PEX7: variants seen among roughly 807,000 people sequenced by gnomAD.
PEX7 encodes the protein PTS2 receptor.
Under a neutral mutation model 47.5 loss-of-function variants are expected in PEX7, and 34 were observed. That is an observed-to-expected ratio of 0.72 (90% CI 0.54 to 0.95). The LOEUF is 0.95. Ranked by LOEUF, PEX7 falls within the 40% of genes least tolerant of loss-of-function variation. The probability of loss-of-function intolerance (pLI) is 0.00; values close to 1 mark genes in which losing one functional copy is unlikely to be tolerated. For synonymous variants in PEX7, 141 were observed against 148.8 expected, an observed-to-expected ratio of 0.95 and a Z score of 0.38; for missense variants, 394 against 400.3, an observed-to-expected ratio of 0.98 and a Z score of 0.13.
intron 5 of PEX7, among the ~76,000 whole-genome samples, chr6:136,861,328 C>A (rs994346006): frequency 6.6e-6 from 1 of 152,118 alleles, no homozygotes; most frequent in Non-Finnish European, 1.5e-5. Flanking sequence ...AACGACCTGC[C>A]TGCCTTGACC....
At chr6:136,844,573 T>TA (rs891238372) in intron 3 of PEX7, among the ~76,000 whole-genome samples, 3 of 152,188 alleles carry the variant, frequency 2.0e-5, no homozygotes, top group African/African-American at 7.2e-5. Context: ...TTATAATAGT[T>TA]ACCATGGTGT....
chr6:136,847,500 C>A (rs947951884), intron 5 of PEX7, among the ~76,000 whole-genome samples: 1 of 151,710 alleles, frequency 6.6e-6, no homozygotes, highest in Non-Finnish European at 1.5e-5. Context: ...AGTCTTTAAT[C>A]CATCTTGAAT....
intron 1 of PEX7, 96 bp from the exon 2 acceptor site, chr6:136,825,118 G>A: frequency 2.0e-6 from 2 of 987,314 alleles, no homozygotes; most frequent in Non-Finnish European, 3.3e-6. Flanking sequence ...AAAATTTGTG[G>A]TATTAAAATC....
At chr6:136,838,759 C>G (rs973786668) in intron 3 of PEX7, among the ~76,000 whole-genome samples, 1 of 152,066 alleles carries the variant, frequency 6.6e-6, no homozygotes, top group African/African-American at 2.4e-5. Context: ...AGTAATGGGA[C>G]AGAAGAAACA....
At chr6:136,886,151 A>G (rs1414352054) in intron 8 of PEX7, among the ~76,000 whole-genome samples, 1 of 152,216 alleles carries the variant, frequency 6.6e-6, no homozygotes, top group Non-Finnish European at 1.5e-5. Context: ...AAGCAGCCCC[A>G]TCTAGCCTTT....
At chr6:136,886,093 G>A (rs549787027) in intron 8 of PEX7, among the ~76,000 whole-genome samples, 6 of 152,192 alleles carry the variant, frequency 3.9e-5, no homozygotes, top group African/African-American at 9.7e-5. Context: ...CCATTTCAGC[G>A]CTCTAGTCTT....
At chr6:136,854,266 G>A (rs1184623566) in intron 5 of PEX7, among the ~76,000 whole-genome samples, 5 of 151,916 alleles carry the variant, frequency 3.3e-5, no homozygotes. Context: ...GTACAATCTC[G>A]GCTCACTGCA....
At chr6:136,888,614 C>G (rs2115257923) in intron 8 of PEX7, among the ~76,000 whole-genome samples, 1 of 152,190 alleles carries the variant, frequency 6.6e-6, no homozygotes, top group East Asian at 1.9e-4. Flanking sequence ...TGAATTTATT[C>G]TGTGTTAATA....
chr6:136,898,244 A>G lies in PEX7; in HGVS notation c.903+3A>G. 6.6e-7 allele frequency: 1 copy of G among 1,523,840 alleles called. No homozygotes were observed. The highest frequency in any genetic ancestry group is 9.1e-7 in the Non-Finnish European group (1 of 1,097,854). 94.4% of individuals were successfully genotyped at this position (1,523,840 alleles called of 1,614,324 possible). A position where few individuals can be genotyped will look rare whatever the true frequency, so the allele number is the denominator to read the frequency against. On this transcript the variant is annotated splice_donor_region_variant and intron_variant, in intron 9 of 9. Coordinates refer to ENST00000318471, the MANE Select transcript of PEX7 (RefSeq NM_000288.4). ...TCAGTCTTCAGAGCCCCACTCAGGT[A>G]ACGGATACAATCTCATGATATTCTC...
chr6:136,883,920 C>G (rs947724634), intron 8 of PEX7, among the ~76,000 whole-genome samples: 10 of 152,100 alleles, frequency 6.6e-5, no homozygotes, highest in African/African-American at 2.2e-4. Context: ...ATAGAAGCAA[C>G]ATCATTTTTT....
At chr6:136,835,369 A>G (rs1331115770) in intron 3 of PEX7, among the ~76,000 whole-genome samples, 2 of 151,934 alleles carry the variant, frequency 1.3e-5, no homozygotes, top group Non-Finnish European at 1.5e-5. Context: ...GCTCACTGCA[A>G]CTTCCACCTC....
Position 136,872,232 on chromosome 6 carries a change from G to A in PEX7, c.782G>A (p.Cys261Tyr), listed in dbSNP as rs770301248. The change falls in exon 8 of 10, where the codon TGC (cysteine) becomes TAC (tyrosine). Residue 261 changes from cysteine (C) to tyrosine (Y), a missense_variant. Cys to Tyr is a radical substitution (Grantham distance 194, BLOSUM62 -2). Coordinates refer to ENST00000318471, the MANE Select transcript of PEX7 (RefSeq NM_000288.4). ...SPFHASVLAS[C>Y]SYDFTVRFWN... ...TTTCATGCTTCTGTGCTGGCCTCTT[G>A]CTCGTATGATTTTACTGTAAGGTAC... 3 of 1,598,172 alleles carry A rather than the reference G, an allele frequency of 1.9e-6. No individual in the cohort carries two copies. Among genetic ancestry groups the A allele is most frequent in the Admixed American group, 3.4e-5 (2 of 58,770 alleles).
intron 9 of PEX7, among the ~76,000 whole-genome samples, chr6:136,904,169 A>G (rs780362719): frequency 6.6e-6 from 1 of 152,296 alleles, no homozygotes; most frequent in South Asian, 2.1e-4. Context: ...ATGTCAGGTG[A>G]TATTTTCTGC....
chr6:136,889,477 C>G (rs1775520460), intron 8 of PEX7, among the ~76,000 whole-genome samples: 2 of 152,128 alleles, frequency 1.3e-5, no homozygotes, highest in African/African-American at 4.8e-5. Context: ...CTAAAAGGAA[C>G]AAGGAATGTT....
chr6:136,858,354 A>G (rs2115196908), intron 5 of PEX7, among the ~76,000 whole-genome samples: 1 of 152,212 alleles, frequency 6.6e-6, no homozygotes, highest in East Asian at 1.9e-4. Flanking sequence ...TATGTGCTGT[A>G]ACAGTGGACA....
chr6:136,826,383 A>T lies in PEX7; in HGVS notation c.253A>T (p.Thr85Ser), dbSNP rs745706327. 2 of 1,613,698 alleles carry T rather than the reference A, an allele frequency of 1.2e-6. No individual in the cohort carries two copies. Among genetic ancestry groups the T allele is most frequent in the Non-Finnish European group, 1.7e-6 (2 of 1,179,846 alleles). ...TGAGAACAACGAACATGTCCTCATC[A>T]CCTGTAGTGGCGATGGCTCGCTGCA... ...WSENNEHVLI[T>S]CSGDGSLQLW... Residue 85 changes from threonine to serine, a missense_variant, in exon 3 of 10, where the codon ACC becomes TCC. Physicochemically the swap from Thr to Ser is moderately conservative, Grantham distance 58. Transcript: ENST00000318471.
chr6:136,895,053 A>G (rs1236014531), intron 8 of PEX7, among the ~76,000 whole-genome samples: 1 of 152,196 alleles, frequency 6.6e-6, no homozygotes, highest in Non-Finnish European at 1.5e-5. Flanking sequence ...AGGAGAGACC[A>G]TGCCCACTCC....
chr6:136,874,566 G>A (rs1215850853), intron 8 of PEX7, among the ~76,000 whole-genome samples: 3 of 151,684 alleles, frequency 2.0e-5, no homozygotes, highest in African/African-American at 7.3e-5. Flanking sequence ...CAGCTACTTG[G>A]GAGGCTGAGG....
intron 8 of PEX7, among the ~76,000 whole-genome samples, chr6:136,886,866 A>G (rs1775475631): frequency 6.6e-6 from 1 of 152,172 alleles, no homozygotes. Context: ...CAGCCTGGAC[A>G]ACATGGTGAG....
Sources: gnomAD v4.1 joint callset for allele counts (sites outside exome capture counted in the v4.1 genomes callset) on GRCh38, gnomAD v4.1.1 for gene constraint, MANE v1.5 for transcripts, NCBI Gene and HGNC (gene_info 2026-07-23, HGNC 2026-07-21) for gene names.